NKAIN3: variants seen among roughly 807,000 people sequenced by gnomAD.
NKAIN3 encodes the protein sodium/potassium-transporting ATPase subunit beta-1-interacting protein 3.
NKAIN3 carries 25 observed loss-of-function variants against 30.2 expected under a neutral mutation model. That is an observed-to-expected ratio of 0.83 (90% CI 0.60 to 1.16). The LOEUF (loss-of-function observed/expected upper bound fraction) is 1.16, where lower values mean the gene tolerates loss of function less well. NKAIN3 is among the 50% of genes most tolerant of loss of function. The probability of loss-of-function intolerance (pLI) is 0.00; values close to 1 mark genes in which losing one functional copy is unlikely to be tolerated. For missense variants in NKAIN3, 225 were observed against 254.1 expected, an observed-to-expected ratio of 0.89 and a Z score of 0.78; for synonymous variants, 91 against 89.6, an observed-to-expected ratio of 1.02 and a Z score of -0.09.
intron 3 of NKAIN3, among the ~76,000 whole-genome samples, chr8:62,642,146 A>G (rs1217853408): frequency 1.3e-5 from 2 of 152,118 alleles, no homozygotes; most frequent in Non-Finnish European, 2.9e-5. Context: ...GATGACAAAA[A>G]CAATGCTCCT....
chr8:62,521,545 A>C (rs1368767205), intron 1 of NKAIN3, among the ~76,000 whole-genome samples: 2 of 152,112 alleles, frequency 1.3e-5, no homozygotes, highest in Non-Finnish European at 2.9e-5. Flanking sequence ...AAATGCTGAG[A>C]TCAAGGACAC....
chr8:62,925,495 A>C (rs1347833397), intron 5 of NKAIN3, among the ~76,000 whole-genome samples: 1 of 152,148 alleles, frequency 6.6e-6, no homozygotes, highest in Non-Finnish European at 1.5e-5. Flanking sequence ...TTTTCTGGAG[A>C]GAAGGTGTAG....
chr8:62,498,499 C>G (rs1006384840), intron 1 of NKAIN3, among the ~76,000 whole-genome samples: 2 of 151,856 alleles, frequency 1.3e-5, no homozygotes, highest in African/African-American at 4.8e-5. Context: ...ACTCTACCAC[C>G]AAATGCACGC....
At chr8:62,961,205 C>T (rs367576468) in intron 6 of NKAIN3, among the ~76,000 whole-genome samples, 229 of 151,806 alleles carry the variant, frequency 1.5e-3, no homozygotes, top group African/African-American at 5.4e-3. Flanking sequence ...CACTTGAACC[C>T]GGAGGCAGAG....
At chr8:62,887,513 T>G (rs1563613043) in intron 4 of NKAIN3, among the ~76,000 whole-genome samples, 1 of 152,186 alleles carries the variant, frequency 6.6e-6, no homozygotes, top group Non-Finnish European at 1.5e-5. Flanking sequence ...TTTATACCTT[T>G]TGTAGTTGTC....
chr8:62,448,247 A>G (rs533795631), intron 1 of NKAIN3, among the ~76,000 whole-genome samples: 1 of 151,934 alleles, frequency 6.6e-6, no homozygotes, highest in South Asian at 2.1e-4. Flanking sequence ...GGAACATATC[A>G]GAATTCTCAC....
chr8:62,528,329 A>ATATAT, intron 1 of NKAIN3, among the ~76,000 whole-genome samples: 1 of 31,548 alleles, frequency 3.2e-5, no homozygotes, highest in South Asian at 1.3e-3. Context: ...TATATAATAT[A>ATATAT]TATATTATAT....
chr8:62,985,356 T>TA (rs1279010165), downstream of NKAIN3, among the ~76,000 whole-genome samples: 1 of 152,160 alleles, frequency 6.6e-6, no homozygotes, highest in Non-Finnish European at 1.5e-5. Context: ...AAGAAAACCT[T>TA]AAAGTAGGTC....
chr8:62,933,965 T>G (rs1458205616), intron 5 of NKAIN3, among the ~76,000 whole-genome samples: 3 of 152,180 alleles, frequency 2.0e-5, no homozygotes, highest in Non-Finnish European at 4.4e-5. Context: ...TCCATCTAAT[T>G]ACTGAGCTCT....
chr8:62,804,036 C>A (rs1177472742), intron 4 of NKAIN3, among the ~76,000 whole-genome samples: 2 of 152,176 alleles, frequency 1.3e-5, no homozygotes, highest in Non-Finnish European at 2.9e-5. Context: ...AATTCCTTGA[C>A]ACATACACCC....
intron 1 of NKAIN3, among the ~76,000 whole-genome samples, chr8:62,310,294 G>T (rs965053660): frequency 8.6e-5 from 13 of 150,350 alleles, no homozygotes; most frequent in Admixed American, 6.6e-4. Context: ...GCCAAATTTT[G>T]CCTGTTTTTT....
At chr8:62,323,259 C>G (rs890717765) in intron 1 of NKAIN3, among the ~76,000 whole-genome samples, 6 of 152,208 alleles carry the variant, frequency 3.9e-5, no homozygotes, top group African/African-American at 1.4e-4. Context: ...CTCATAATTG[C>G]CAAAACTTAG....
chr8:62,924,502 T>C (rs908920993), intron 5 of NKAIN3, among the ~76,000 whole-genome samples: 10 of 152,246 alleles, frequency 6.6e-5, no homozygotes, highest in Non-Finnish European at 1.3e-4. Flanking sequence ...CTCAGTAAGA[T>C]GATTAGGGTT....
chr8:62,579,703 T>C (rs746689138), intron 2 of NKAIN3, 27 bp downstream of exon 2: 1 of 1,324,636 alleles, frequency 7.5e-7, no homozygotes, highest in Non-Finnish European at 9.9e-7. Context: ...TCATTTTGCT[T>C]CATATAAACA....
chr8:62,417,477 G>A (rs907196207), intron 1 of NKAIN3, among the ~76,000 whole-genome samples: 22 of 151,914 alleles, frequency 1.4e-4, no homozygotes, highest in African/African-American at 3.9e-4. Context: ...CTTTCTTTTC[G>A]GTATATACCC....
intron 1 of NKAIN3, among the ~76,000 whole-genome samples, chr8:62,266,879 T>C (rs183076636): frequency 7.3e-4 from 111 of 152,358 alleles, no homozygotes; most frequent in African/African-American, 2.6e-3. Flanking sequence ...GGTATAAATA[T>C]GGCTGCAGAA....
At chr8:62,956,191 A>T (rs1472215818) in intron 6 of NKAIN3, among the ~76,000 whole-genome samples, 1 of 151,884 alleles carries the variant, frequency 6.6e-6, no homozygotes, top group Non-Finnish European at 1.5e-5. Context: ...ATTCCATTGA[A>T]TCCAATGATG....
At chr8:62,723,554 C>T (rs1815162432) in intron 3 of NKAIN3, among the ~76,000 whole-genome samples, 1 of 151,982 alleles carries the variant, frequency 6.6e-6, no homozygotes, top group Non-Finnish European at 1.5e-5. Flanking sequence ...ACTAAGGAAA[C>T]TGCAGGTGTT....
At chr8:62,604,060 G>A (rs1254479183) in intron 3 of NKAIN3, among the ~76,000 whole-genome samples, 1 of 152,074 alleles carries the variant, frequency 6.6e-6, no homozygotes, top group Non-Finnish European at 1.5e-5. Flanking sequence ...GTCTGCTGCG[G>A]CACAGAACTG....
Sources: allele counts gnomAD v4.1 joint callset (sites outside exome capture counted in the v4.1 genomes callset), GRCh38; gene constraint gnomAD v4.1.1; transcripts MANE v1.5; gene names NCBI Gene and HGNC (gene_info 2026-07-23, HGNC 2026-07-21).